The following ZC3H4 variants were observed in gnomAD, a reference collection of about 807,000 sequenced individuals.
ZC3H4 encodes zinc finger CCCH-type containing 4, also known as zinc finger CCCH domain-containing protein 4.
Under a neutral mutation model 108.3 loss-of-function variants are expected in ZC3H4, and 13 were observed. The observed-to-expected ratio is 0.12, with a 90% CI of 0.08 to 0.19. The LOEUF is 0.19. Ranked by LOEUF, ZC3H4 falls within the 10% of genes least tolerant of loss-of-function variation. The pLI is 1.00. For synonymous variants in ZC3H4, 917 were observed against 749.6 expected (o/e 1.22, Z -3.65); for missense variants, 1,734 against 1,838.8 (o/e 0.94, Z 1.04).
chr19:47,085,325 T>G lies in ZC3H4; in HGVS notation c.960A>C (p.Arg320=). ...CTCCAGGCCCCTGCCCACCTCGGCC[T>G]CGGCTGTCCTTGGAGCGGCGGTACT... The part of the protein sequence containing the change: ...LNQYRRSKDS[R]GRGLSRGRGR... Residue 320 remains arginine (R), a synonymous_variant, in exon 7 of 15, where the codon CGA becomes CGC. Coordinates refer to ENST00000253048, the MANE Select transcript of ZC3H4 (RefSeq NM_015168.2). 6.3e-7 allele frequency: 1 copy of G among 1,579,466 alleles called. No homozygotes were observed. The highest frequency in any genetic ancestry group is 8.6e-7 in the Non-Finnish European group (1 of 1,165,792).
chr19:47,088,350 A>G (rs989276213), intron 5 of ZC3H4, among the ~76,000 whole-genome samples: 1 of 151,672 alleles, frequency 6.6e-6, no homozygotes, highest in South Asian at 2.1e-4. Context: ...GATCGAGACC[A>G]CCCTGGTCAC....
chr19:47,085,042 T>G lies in ZC3H4; in HGVS notation c.1107+14A>C. On this transcript the variant is annotated intron_variant, in intron 8 of 14. Transcript: ENST00000253048. ...CCTTGGCCCAAACATCAGATCAGAG[T>G]GGAGTCAACTCACGCCCATGTCCTC... 6.2e-7 allele frequency: 1 copy of G among 1,613,954 alleles called. No homozygotes were observed. Among genetic ancestry groups the G allele is most frequent in the Non-Finnish European group, 8.5e-7 (1 of 1,179,914 alleles).
intron 2 of ZC3H4, 40 bp downstream of exon 2, chr19:47,112,384 C>G (rs1304450705): frequency 8.1e-7 from 1 of 1,230,820 alleles, no homozygotes; most frequent in East Asian, 3.2e-5. Flanking sequence ...TCCTCTTCCT[C>G]CCCCCGGGGA....
At position 47,112,450 on chromosome 19, in the gene ZC3H4, G is replaced by C; in HGVS notation, c.135C>G (p.His45Gln). 1 of 1,236,066 alleles carries C rather than the reference G, an allele frequency of 8.1e-7. No individual in the cohort carries two copies. The highest frequency in any genetic ancestry group is 1.0e-6 in the Non-Finnish European group (1 of 986,068). 76.6% of individuals were successfully genotyped at this position (1,236,066 alleles called of 1,614,324 possible). A position where few individuals can be genotyped will look rare whatever the true frequency, so the allele number is the denominator to read the frequency against. Residue 45 changes from histidine (H) to glutamine (Q), a missense_variant, in exon 2 of 15, where the codon CAC becomes CAG. Physicochemically the swap from His to Gln is conservative, Grantham distance 24. Transcript: ENST00000253048. ...TGTCGTCAGGGAGCGGGAGGCGGTGGTGGAGGAGGTGCGGGGTGGCCGGGC... is the reference window on the plus strand; with the variant it reads ...TGTCGTCAGGGAGCGGGAGGCGGTGCTGGAGGAGGTGCGGGGTGGCCGGGC... ...DARPATPHLL[H>Q]HRLPLPDDRE...
At chr19:47,074,012 TG>T (rs2057375714) in intron 11 of ZC3H4, among the ~76,000 whole-genome samples, 1 of 152,118 alleles carries the variant, frequency 6.6e-6, no homozygotes, top group South Asian at 2.1e-4. Context: ...TGGGGACGAC[TG>T]GGTAGCTTCC....
At chr19:47,077,881 A>G (rs1002335599) in intron 11 of ZC3H4, among the ~76,000 whole-genome samples, 5 of 151,064 alleles carry the variant, frequency 3.3e-5, no homozygotes, top group Non-Finnish European at 5.9e-5. Context: ...AAAAAAAAAG[A>G]AGGTATGGAT....
chr19:47,067,446 A>G lies in ZC3H4; in HGVS notation c.2822T>C (p.Leu941Pro). 1.9e-6 allele frequency: 3 copies of G among 1,597,778 alleles called. No individual in the cohort carries two copies. The highest frequency in any genetic ancestry group is 1.7e-4 in the Middle Eastern group (1 of 5,970). The change falls in exon 15 of 15, where the codon CTG becomes CCG. Residue 941 changes from leucine (L) to proline (P), a missense_variant. Around this residue, in one of 9 missense-constraint regions of ZC3H4, gnomAD observed 540 missense variants for 484.1 expected, o/e 1.12. Transcript: ENST00000253048. This position sits in a 1 kb window ranked among gnomAD's most constrained non-coding sequence, Gnocchi z 6.4. ...ALREKAVNIP[L>P]DPLPGHPLRD... ...CAGAGGGTGCCCGGGGAGTGGGTCC[A>G]GGGGAATGTTCACGGCCTTCTCCCG...
chr19:47,067,036 T>C lies in ZC3H4; in HGVS notation c.3232A>G (p.Thr1078Ala). The change falls in exon 15 of 15, where the codon ACC becomes GCC. Residue 1078 changes from threonine (T) to alanine (A), a missense_variant. Physicochemically the swap from Thr to Ala is moderately conservative, Grantham distance 58 (BLOSUM62 0). This residue lies in a region of ZC3H4 where 518 missense variants were observed against 499.6 expected (regional missense o/e 1.04). Transcript: ENST00000253048. The surrounding 1 kb of genome is among the most constrained non-coding windows in gnomAD (Gnocchi z 6.4). ...PSDPRVRKAP[T>A]DPRLQKPTDS... ...GTGGGTTTCTGCAGCCGAGGGTCGG[T>C]GGGGGCCTTCCGCACCCGGGGGTCA... 3 of 1,603,414 alleles carry C rather than the reference T, an allele frequency of 1.9e-6. No individual in the cohort carries two copies. The highest frequency in any genetic ancestry group is 2.6e-6 in the Non-Finnish European group (3 of 1,174,890).
intron 13 of ZC3H4, among the ~76,000 whole-genome samples, chr19:47,070,899 G>A (rs1011761497): frequency 2.0e-5 from 3 of 151,908 alleles, no homozygotes; most frequent in Non-Finnish European, 2.9e-5. Context: ...TCCAAACCTC[G>A]AAGCCCTGCC....
At position 47,084,365 on chromosome 19, in the gene ZC3H4, C is replaced by T. The variant is rs1256281442; in HGVS notation, c.1198G>A (p.Val400Met). 3.7e-6 allele frequency: 6 copies of T among 1,614,224 alleles called. No individual in the cohort carries two copies. Among genetic ancestry groups the T allele is most frequent in the South Asian group, 3.3e-5 (3 of 91,088 alleles). The stretch of plus-strand genomic sequence containing the variant: ...CTTACCCAGGTGCAGCGCCCTTCCA[C>T]GAAGTACTTGCAAATGACTTTGCCT... ...KKGKVICKYF[V>M]EGRCTWGDHC... The change falls in exon 9 of 15, where the codon GTG becomes ATG. Residue 400 changes from valine (V) to methionine (M), a missense_variant. Val to Met is a conservative substitution (Grantham distance 21). This residue lies in a region of ZC3H4 where 66 missense variants were observed against 166.8 expected (regional missense o/e 0.40). Coordinates refer to ENST00000253048, the MANE Select transcript of ZC3H4 (RefSeq NM_015168.2).
chr19:47,076,315 GCGCGCGCGCGCA>G (rs1275533695), intron 11 of ZC3H4, among the ~76,000 whole-genome samples: 1 of 67,116 alleles, frequency 1.5e-5, no homozygotes, highest in Non-Finnish European at 3.5e-5. Flanking sequence ...ATGCACGCGT[GCGCGCGCGCGCA>G]CACACACACA....
chr19:47,110,184 T>C (rs1399113824), intron 2 of ZC3H4, among the ~76,000 whole-genome samples: 1 of 151,960 alleles, frequency 6.6e-6, no homozygotes, highest in Admixed American at 6.6e-5. Context: ...ATGAGAAAAT[T>C]GGAGCTACTT....
chr19:47,084,678 G>C (rs1255179234), intron 8 of ZC3H4, among the ~76,000 whole-genome samples: 1 of 152,198 alleles, frequency 6.6e-6, no homozygotes, highest in African/African-American at 2.4e-5. Flanking sequence ...CTTTAGAGCT[G>C]TTAGCCACTT....
chr19:47,069,647 A>C lies in ZC3H4; in HGVS notation c.2147-304T>G, dbSNP rs575263761. Among the ~76,000 whole-genome samples the C allele has an allele frequency of 2.0e-5, 3 of 152,272 alleles. No individual in the cohort carries two copies. The South Asian group carries it at 6.2e-4, about 32-fold the overall frequency. The stretch of plus-strand genomic sequence containing the variant: ...GAGAAAGCTTTGAAAAGACACACAG[A>C]AACAGTCCCTCTGGAACACAGATTC... On this transcript the variant is annotated intron_variant, in intron 13 of 14. Coordinates refer to ENST00000253048, the MANE Select transcript of ZC3H4 (RefSeq NM_015168.2).
chr19:47,100,608 T>C (rs1225968140), intron 2 of ZC3H4, among the ~76,000 whole-genome samples: 1 of 151,778 alleles, frequency 6.6e-6, no homozygotes, highest in African/African-American at 2.4e-5. Context: ...ATAGGAGAAA[T>C]TGGAGCCATC....
At chr19:47,099,386 G>C (rs2057871470) in intron 2 of ZC3H4, among the ~76,000 whole-genome samples, 2 of 151,782 alleles carry the variant, frequency 1.3e-5, no homozygotes, top group Non-Finnish European at 1.5e-5. Flanking sequence ...TTGAACCTGG[G>C]AGGCGGAGGT....
At chr19:47,092,893 G>A (rs966466463) in intron 4 of ZC3H4, among the ~76,000 whole-genome samples, 3 of 151,636 alleles carry the variant, frequency 2.0e-5, no homozygotes, top group South Asian at 2.1e-4. Flanking sequence ...GGACACCCAC[G>A]TGCCAACGAA....
intron 13 of ZC3H4, 113 bp from the exon 14 acceptor site, chr19:47,069,456 A>AGCCTGCCCCT: frequency 7.3e-7 from 1 of 1,372,198 alleles, no homozygotes; most frequent in Non-Finnish European, 9.8e-7. Context: ...AAGGACGCAC[A>AGCCTGCCCCT]GCCTGCCCCT....
At position 47,066,877 on chromosome 19, in the gene ZC3H4, G is replaced by A; in HGVS notation, c.3391C>T (p.Leu1131=). 6.3e-7 allele frequency: 1 copy of A among 1,598,494 alleles called. No homozygotes were observed. The highest frequency in any genetic ancestry group is 8.5e-7 in the Non-Finnish European group (1 of 1,178,812). Residue 1131 remains leucine (L), a synonymous_variant, in exon 15 of 15, where the codon CTG becomes TTG. Transcript: ENST00000253048. The part of the protein sequence containing the change: ...YDPRVLAAGG[L]GQGGGGGQSS... ...TGCCCGCCCCCTCCGCCCTGGCCCAGTCCACCGGCCGCCAGCACGCGGGGG... is the reference window on the plus strand; with the variant it reads ...TGCCCGCCCCCTCCGCCCTGGCCCAATCCACCGGCCGCCAGCACGCGGGGG...
Sources: gnomAD v4.1 joint callset for allele counts (sites outside exome capture counted in the v4.1 genomes callset) on GRCh38, gnomAD v4.1.1 for gene constraint, gnomAD v4.1.1 regional missense constraint, Gnocchi (gnomAD v3.1) non-coding constraint, MANE v1.5 for transcripts, NCBI Gene and HGNC (gene_info 2026-07-23, HGNC 2026-07-21) for gene names.